DNASE2B: variants seen among roughly 807,000 people sequenced by gnomAD.
The protein encoded by DNASE2B is deoxyribonuclease 2 beta.
In DNASE2B, 43 loss-of-function variants were observed where a neutral mutation model predicts 46.0. The ratio of observed to expected loss-of-function variants is 0.94; its 90% CI spans 0.73 to 1.21. DNASE2B has a LOEUF of 1.21. Ranked by LOEUF, DNASE2B falls within the 50% of genes most tolerant of loss-of-function variation. DNASE2B has a pLI of 0.00. For missense variants in DNASE2B, 395 were observed against 414.4 expected (o/e 0.95, Z 0.41); for synonymous variants, 156 against 152.5 (o/e 1.02, Z -0.17).
At chr1:84,412,619 A>G in intron 5 of DNASE2B, 73 bp downstream of exon 5, 1 of 1,296,488 alleles carries the variant, frequency 7.7e-7, no homozygotes, top group Non-Finnish European at 1.0e-6. Flanking sequence ...GCTTAGAGAA[A>G]TATTTTGAGT....
At chr1:84,401,821 T>C (rs1426844848) in intron 1 of DNASE2B, 80 bp from the exon 2 acceptor site, 5 of 1,085,046 alleles carry the variant, frequency 4.6e-6, no homozygotes, top group Non-Finnish European at 6.3e-6. Flanking sequence ...ATGAGAGATA[T>C]ATTAAAGTGT....
intron 2 of DNASE2B, among the ~76,000 whole-genome samples, chr1:84,404,016 A>G (rs532096552): frequency 7.2e-6 from 1 of 138,362 alleles, no homozygotes; most frequent in East Asian, 2.1e-4. Flanking sequence ...GATGTTACCC[A>G]GGCTAGTCTC....
chr1:84,401,621 C>T (rs543518676), intron 1 of DNASE2B, among the ~76,000 whole-genome samples: 2 of 152,282 alleles, frequency 1.3e-5, no homozygotes, highest in African/African-American at 4.8e-5. Flanking sequence ...ATGGAAGCAA[C>T]AGAAAGAGCC....
intron 2 of DNASE2B, among the ~76,000 whole-genome samples, chr1:84,404,914 C>T (rs577360969): frequency 1.3e-5 from 2 of 152,294 alleles, no homozygotes; most frequent in South Asian, 2.1e-4. Flanking sequence ...TCTGTCCCTT[C>T]CTGCCTTAAA....
intron 2 of DNASE2B, among the ~76,000 whole-genome samples, chr1:84,405,515 T>C (rs1450273482): frequency 1.3e-5 from 2 of 152,200 alleles, no homozygotes; most frequent in Non-Finnish European, 2.9e-5. Flanking sequence ...CATCTTCTTA[T>C]AATGTCATGA....
In DNASE2B at chr1:84,410,917, C is replaced by T. The variant is rs1473091481; in HGVS notation, c.465C>T (p.Gly155=). Residue 155 remains glycine, a synonymous_variant, in exon 4 of 6, where the codon GGC becomes GGT. Transcript: ENST00000370665. ...AGTTTCCTCCAATTCCGGAAGAAGGCTATGATTATCCACCCACAGGGAGAC... is the reference window on the plus strand; with the variant it reads ...AGTTTCCTCCAATTCCGGAAGAAGGTTATGATTATCCACCCACAGGGAGAC... The part of the protein sequence containing the change: ...IPQFPPIPEE[G]YDYPPTGRRN... 1.9e-6 allele frequency: 3 copies of T among 1,613,254 alleles called. No homozygotes were observed. Among genetic ancestry groups the T allele is most frequent in the East Asian group, 2.2e-5 (1 of 44,862 alleles).
rs1680528095 is a variant in DNASE2B, at chr1:84,408,396, T to C, written c.304-41T>C. The C allele has an allele frequency of 2.5e-6, 4 of 1,570,626 alleles. No homozygotes were observed. The East Asian group carries it at 9.3e-5, about 36-fold the overall frequency. ...TAGAAATGTTGTGGGCGTTTGTAAG[T>C]GGAAGATTTACGCCATTATAACCCT... On this transcript the variant is annotated intron_variant, in intron 2 of 5. Coordinates refer to ENST00000370665, the MANE Select transcript of DNASE2B (RefSeq NM_021233.3).
At chr1:84,411,484 CAGAG>C (rs147046401) in intron 4 of DNASE2B, among the ~76,000 whole-genome samples, 64 of 92,300 alleles carry the variant, frequency 6.9e-4, no homozygotes, top group Middle Eastern at 5.0e-3. Context: ...GTGTGTGTGT[CAGAG>C]AGAGAGAGAG....
chr1:84,414,259 G>A lies in DNASE2B; in HGVS notation c.746-269G>A, dbSNP rs907638938. Among the ~76,000 whole-genome samples the A allele has an allele frequency of 4.6e-5, 7 of 152,108 alleles. No individual in the cohort carries two copies. The South Asian group carries it at 1.5e-3, about 32-fold the overall frequency. The stretch of plus-strand genomic sequence containing the variant: ...TTTCCAAAGGTCTTTCCAGGACAAA[G>A]ACATATATTGCTTCATTCGTTTTAT... On this transcript the variant is annotated intron_variant, in intron 5 of 5. Coordinates refer to ENST00000370665, the MANE Select transcript of DNASE2B (RefSeq NM_021233.3).
chr1:84,411,721 C>G (rs113643634), intron 4 of DNASE2B, among the ~76,000 whole-genome samples: 14 of 152,122 alleles, frequency 9.2e-5, no homozygotes, highest in African/African-American at 3.4e-4. Flanking sequence ...AAGCAACTTG[C>G]CTATAGAAAC....
intron 3 of DNASE2B, among the ~76,000 whole-genome samples, chr1:84,410,481 T>C (rs573151538): frequency 3.5e-4 from 53 of 152,352 alleles, no homozygotes; most frequent in Middle Eastern, 3.4e-3. Context: ...GTGAAGACAC[T>C]ATCTAAATCT....
At chr1:84,411,679 T>G (rs562453678) in intron 4 of DNASE2B, among the ~76,000 whole-genome samples, 17 of 152,184 alleles carry the variant, frequency 1.1e-4, no homozygotes, top group Non-Finnish European at 1.8e-4. Flanking sequence ...AAAGGAGAAG[T>G]AGGGACAGGT....
At chr1:84,400,873 C>A (rs1680392170) in intron 1 of DNASE2B, among the ~76,000 whole-genome samples, 1 of 152,158 alleles carries the variant, frequency 6.6e-6, no homozygotes, top group African/African-American at 2.4e-5. Flanking sequence ...AGAATAATTT[C>A]ATGTTTCCTG....
chr1:84,414,925 C>T lies in DNASE2B; in HGVS notation c.*57C>T. On this transcript the variant is annotated 3_prime_UTR_variant, in exon 6 of 6. Coordinates refer to ENST00000370665, the MANE Select transcript of DNASE2B (RefSeq NM_021233.3). ...AAAACCTTGACAATGGGTCTTCTTC[C>T]ATTACACCTTCTTTATATTTTAAAG... The T allele has an allele frequency of 8.0e-7, 1 of 1,244,934 alleles. No individual in the cohort carries two copies. The highest frequency in any genetic ancestry group is 1.1e-6 in the Non-Finnish European group (1 of 882,902). 77.1% of individuals were successfully genotyped at this position (1,244,934 alleles called of 1,614,324 possible).
chr1:84,403,930 G>C (rs1312624906), intron 2 of DNASE2B, among the ~76,000 whole-genome samples: 1 of 149,226 alleles, frequency 6.7e-6, no homozygotes, highest in Non-Finnish European at 1.5e-5. Flanking sequence ...GGGACTACAG[G>C]CATGCACCAC....
chr1:84,402,162 AC>A, intron 2 of DNASE2B, 84 bp downstream of exon 2: 1 of 1,349,246 alleles, frequency 7.4e-7, no homozygotes, highest in South Asian at 1.4e-5. Flanking sequence ...TTTTCTGTTC[AC>A]CCACCCAACC....
At chr1:84,411,484 CAGAGAGAG>C (rs147046401) in intron 4 of DNASE2B, among the ~76,000 whole-genome samples, 9 of 92,358 alleles carry the variant, frequency 9.7e-5, no homozygotes, top group South Asian at 3.2e-4. Flanking sequence ...GTGTGTGTGT[CAGAGAGAG>C]AGAGAGAGAG....
chr1:84,414,917 T>C lies in DNASE2B; in HGVS notation c.*49T>C. The stretch of plus-strand genomic sequence containing the variant: ...TATCATTGAAAACCTTGACAATGGG[T>C]CTTCTTCCATTACACCTTCTTTATA... On this transcript the variant is annotated 3_prime_UTR_variant, in exon 6 of 6. Transcript: ENST00000370665. 7.4e-7 allele frequency: 1 copy of C among 1,345,292 alleles called. No individual in the cohort carries two copies. The highest frequency in any genetic ancestry group is 1.0e-6 in the Non-Finnish European group (1 of 963,998). The allele number at this position is 1,345,292 out of a possible 1,614,324, so 83.3% of individuals were successfully genotyped here.
chr1:84,406,510 G>A (rs1012095961), intron 2 of DNASE2B, among the ~76,000 whole-genome samples: 1 of 152,162 alleles, frequency 6.6e-6, no homozygotes, highest in Non-Finnish European at 1.5e-5. Context: ...TAAGAAACAT[G>A]GAGAAAGACT....
Sources: gnomAD v4.1 joint callset for allele counts (sites outside exome capture counted in the v4.1 genomes callset) on GRCh38, gnomAD v4.1.1 for gene constraint, MANE v1.5 for transcripts, NCBI Gene and HGNC (gene_info 2026-07-23, HGNC 2026-07-21) for gene names.